The following AQP9 variants were observed in gnomAD, a reference collection of about 807,000 sequenced individuals.
AQP9 encodes the protein aquaporin-9.
In AQP9, 19 loss-of-function variants were observed where a neutral mutation model predicts 23.8. The ratio of observed to expected loss-of-function variants is 0.80; its 90% CI spans 0.56 to 1.17. The LOEUF is 1.17. Ranked by LOEUF, AQP9 falls within the 50% of genes most tolerant of loss-of-function variation. AQP9 has a pLI of 0.00. For missense variants in AQP9, 413 were observed against 362.0 expected (o/e 1.14, Z -1.14); for synonymous variants, 153 against 131.5 (o/e 1.16, Z -1.12).
At chr15:58,174,516 C>A (rs940567347) in intron 3 of AQP9, among the ~76,000 whole-genome samples, 12 of 152,092 alleles carry the variant, frequency 7.9e-5, no homozygotes, top group Admixed American at 4.6e-4. Context: ...TACTGCAACA[C>A]CCTCAAATTC....
chr15:58,176,691 A>T (rs1300047680), intron 4 of AQP9, among the ~76,000 whole-genome samples: 1 of 149,732 alleles, frequency 6.7e-6, no homozygotes, highest in Admixed American at 6.7e-5. Flanking sequence ...GCTCACTGCA[A>T]CCTCCACCTC....
At chr15:58,177,595 A>T (rs1322964795) in intron 4 of AQP9, among the ~76,000 whole-genome samples, 1 of 152,226 alleles carries the variant, frequency 6.6e-6, no homozygotes, top group Admixed American at 6.5e-5. Flanking sequence ...TCCCATCCTG[A>T]TTCTTCTGCT....
intron 1 of AQP9, among the ~76,000 whole-genome samples, chr15:58,140,230 A>C (rs1897929095): frequency 6.7e-6 from 1 of 150,158 alleles, no homozygotes; most frequent in South Asian, 2.1e-4. Context: ...CAAAAAGTTT[A>C]AAACCCTCTG....
chr15:58,155,248 C>A (rs1274201127), intron 1 of AQP9: 1 of 152,202 alleles, frequency 6.6e-6, no homozygotes, highest in Non-Finnish European at 1.5e-5. Context: ...CCTCTTCCTA[C>A]ACATTGGCCA....
chr15:58,140,412 C>A (rs1331097164), intron 1 of AQP9, among the ~76,000 whole-genome samples: 1 of 152,128 alleles, frequency 6.6e-6, no homozygotes, highest in African/African-American at 2.4e-5. Flanking sequence ...CTTGTATGTT[C>A]TGGATAAAGC....
At chr15:58,152,091 T>C (rs1898162077) in intron 1 of AQP9, 1 of 152,164 alleles carries the variant, frequency 6.6e-6, no homozygotes, top group Non-Finnish European at 1.5e-5. Context: ...TAATTGCCCA[T>C]GGAGTCACTT....
chr15:58,140,871 A>C (rs989269285), intron 1 of AQP9, among the ~76,000 whole-genome samples: 1 of 152,088 alleles, frequency 6.6e-6, no homozygotes, highest in Non-Finnish European at 1.5e-5. Context: ...CCATGGTATA[A>C]ATTACGGGTC....
intron 1 of AQP9, among the ~76,000 whole-genome samples, chr15:58,143,261 T>C (rs1486440399): frequency 6.6e-6 from 1 of 152,178 alleles, no homozygotes; most frequent in African/African-American, 2.4e-5. Flanking sequence ...ACACTGGGGA[T>C]TCTCCTTAGA....
chr15:58,181,547 A>G (rs1362482519), intron 5 of AQP9, among the ~76,000 whole-genome samples: 3 of 152,228 alleles, frequency 2.0e-5, no homozygotes, highest in African/African-American at 7.2e-5. Flanking sequence ...GAGAACCGTT[A>G]TTCAAAGACA....
intron 3 of AQP9, among the ~76,000 whole-genome samples, chr15:58,173,753 G>A (rs1457090466): frequency 6.6e-6 from 1 of 152,178 alleles, no homozygotes; most frequent in Non-Finnish European, 1.5e-5. Flanking sequence ...GTAAATACCT[G>A]TGCAACTTAA....
At chr15:58,149,526 A>T (rs1411455690) in intron 1 of AQP9, among the ~76,000 whole-genome samples, 1 of 152,226 alleles carries the variant, frequency 6.6e-6, no homozygotes, top group Non-Finnish European at 1.5e-5. Flanking sequence ...CCTTAGTCAT[A>T]GGTCATTGTG....
At chr15:58,182,031 T>C (rs1022044897) in intron 5 of AQP9, among the ~76,000 whole-genome samples, 1 of 152,104 alleles carries the variant, frequency 6.6e-6, no homozygotes, top group East Asian at 1.9e-4. Flanking sequence ...CAGGTCCCCA[T>C]GTACTCCTGA....
intron 1 of AQP9, chr15:58,153,128 T>C (rs1387417443): frequency 3.3e-5 from 5 of 152,148 alleles, no homozygotes; most frequent in Admixed American, 2.0e-4. Flanking sequence ...GTATAAACGA[T>C]TGGCGATATT....
rs138981897 is a variant in AQP9, at chr15:58,180,762, G to T, written c.713+1417G>T. ...ACTGGCATCTAATGGGTAGACGCCA[G>T]GAATGCTGTTAAGCATCCTACAATG... On this transcript the variant is annotated intron_variant, in intron 5 of 5. Coordinates refer to ENST00000219919, the MANE Select transcript of AQP9 (RefSeq NM_020980.5). Among the ~76,000 whole-genome samples the T allele has an allele frequency of 3.9e-4, 60 of 152,316 alleles. 1 individual carries two copies. The East Asian group carries it at 9.8e-3, about 25-fold the overall frequency.
intron 1 of AQP9, among the ~76,000 whole-genome samples, chr15:58,141,377 T>C (rs1436621815): frequency 6.6e-6 from 1 of 152,202 alleles, no homozygotes; most frequent in Non-Finnish European, 1.5e-5. Flanking sequence ...TTTGAGTAGA[T>C]AACATACTGT....
intron 1 of AQP9, chr15:58,154,281 A>G (rs1209888993): frequency 2.0e-5 from 3 of 152,132 alleles, no homozygotes; most frequent in Non-Finnish European, 4.4e-5. Flanking sequence ...ACCAAAAACC[A>G]TTTCACAAAC....
At chr15:58,183,890 A>C in intron 5 of AQP9, 71 bp from the exon 6 acceptor site, 1 of 1,480,350 alleles carries the variant, frequency 6.8e-7, no homozygotes, top group East Asian at 2.4e-5. Context: ...CTAACAAGTG[A>C]GTGAAAAACT....
chr15:58,160,839 G>T (rs1466733559), intron 1 of AQP9, among the ~76,000 whole-genome samples: 1 of 152,150 alleles, frequency 6.6e-6, no homozygotes, highest in African/African-American at 2.4e-5. Flanking sequence ...AATAGATTGG[G>T]TTTAGTTGGG....
chr15:58,180,929 T>G (rs1290012766), intron 5 of AQP9, among the ~76,000 whole-genome samples: 8 of 152,224 alleles, frequency 5.3e-5, no homozygotes, highest in African/African-American at 1.9e-4. Flanking sequence ...ATCTTTCCAA[T>G]GGAGCATCAA....
Sources: allele counts gnomAD v4.1 joint callset (sites outside exome capture counted in the v4.1 genomes callset), GRCh38; gene constraint gnomAD v4.1.1; transcripts MANE v1.5; gene names NCBI Gene and HGNC (gene_info 2026-07-23, HGNC 2026-07-21).